Variants in DACH1 observed in about 807,000 individuals in gnomAD.
The protein encoded by DACH1 is dachshund family transcription factor 1.
DACH1 carries 12 observed loss-of-function variants against 54.2 expected under a neutral mutation model. That is an observed-to-expected ratio of 0.22 (90% confidence interval 0.14 to 0.36). DACH1 has a LOEUF of 0.36. Among genes scored for constraint, DACH1 ranks in the 10% least tolerant of loss-of-function variants. The pLI is 1.00. For synonymous variants in DACH1, 386 were observed against 366.2 expected (o/e 1.05, Z -0.62); for missense variants, 805 against 929.8 (o/e 0.87, Z 1.75).
intron 1 of DACH1, among the ~76,000 whole-genome samples, chr13:71,825,056 C>T (rs1371700890): frequency 6.6e-6 from 1 of 151,854 alleles, no homozygotes; most frequent in African/African-American, 2.4e-5. Context: ...GGTAAGAGAG[C>T]TATTAATTTA....
chr13:71,558,197 T>C (rs1884374124), intron 5 of DACH1, among the ~76,000 whole-genome samples: 3 of 152,062 alleles, frequency 2.0e-5, no homozygotes, highest in Non-Finnish European at 4.4e-5. Flanking sequence ...ATGCCTATAT[T>C]GAGATATCAC....
At chr13:71,774,496 A>C (rs1388535225) in intron 1 of DACH1, among the ~76,000 whole-genome samples, 2 of 152,130 alleles carry the variant, frequency 1.3e-5, no homozygotes, top group Non-Finnish European at 2.9e-5. Context: ...AGTAGAAAAC[A>C]TGTGGAGGCA....
intron 6 of DACH1, among the ~76,000 whole-genome samples, chr13:71,499,253 G>C (rs1879716202): frequency 1.3e-5 from 2 of 152,116 alleles, no homozygotes; most frequent in Non-Finnish European, 2.9e-5. Context: ...AGGCTGAAAA[G>C]ATTCACTTAA....
At chr13:71,705,969 C>T (rs78500830) in intron 1 of DACH1, among the ~76,000 whole-genome samples, 6,675 of 152,028 alleles carry the variant, frequency 0.044, 455 homozygotes, top group African/African-American at 0.15. Flanking sequence ...TGTACAATAG[C>T]ATATATTTAT....
At chr13:71,704,127 A>G (rs1237284126) in intron 1 of DACH1, 1 of 174,666 alleles carries the variant, frequency 5.7e-6, no homozygotes, top group Non-Finnish European at 1.2e-5. Flanking sequence ...CTTTGCTTCA[A>G]AAATCAATGC....
At chr13:71,668,037 C>T (rs1042219134) in intron 2 of DACH1, among the ~76,000 whole-genome samples, 18 of 151,998 alleles carry the variant, frequency 1.2e-4, no homozygotes, top group African/African-American at 3.9e-4. Context: ...TAGAGGGATA[C>T]ATTTGAAAAA....
chr13:71,687,050 G>A (rs1881199769), intron 1 of DACH1, among the ~76,000 whole-genome samples: 1 of 152,136 alleles, frequency 6.6e-6, no homozygotes, highest in African/African-American at 2.4e-5. Flanking sequence ...ACACAAACAA[G>A]CATTTACGAG....
intron 1 of DACH1, among the ~76,000 whole-genome samples, chr13:71,765,956 T>G (rs932735166): frequency 2.5e-4 from 37 of 149,862 alleles, no homozygotes; most frequent in Non-Finnish European, 4.6e-4. Context: ...GCGCGATCTC[T>G]GCTCACTGCA....
intron 10 of DACH1, among the ~76,000 whole-genome samples, chr13:71,468,359 G>T (rs1876781944): frequency 6.6e-6 from 1 of 152,100 alleles, no homozygotes; most frequent in African/African-American, 2.4e-5. Context: ...ACCTTTTGAG[G>T]TTAAGCTATT....
chr13:71,713,092 T>C (rs895257381), intron 1 of DACH1, among the ~76,000 whole-genome samples: 13 of 149,352 alleles, frequency 8.7e-5, no homozygotes, highest in South Asian at 2.1e-4. Flanking sequence ...TCTTCTTCTT[T>C]TTTTTTTTTT....
chr13:71,808,635 A>G lies in DACH1; in HGVS notation c.848+57287T>C, dbSNP rs944556512. On this transcript the variant is annotated intron_variant, in intron 1 of 10. Coordinates refer to ENST00000613252, the MANE Select transcript of DACH1 (RefSeq NM_080759.6). ...TCAAGGTCATTTGGTCATTGATTTC[A>G]AAGAAGTTGATGTTTTAAAGCAGTT... Among the ~76,000 whole-genome samples, 3 of 152,290 alleles carry G rather than the reference A, an allele frequency of 2.0e-5. No homozygotes were observed. In the East Asian group the frequency reaches 5.8e-4, roughly 29 times the overall value.
chr13:71,479,164 A>T lies in DACH1; in HGVS notation c.1870+5T>A. 1.3e-6 allele frequency: 2 copies of T among 1,594,928 alleles called. No homozygotes were observed. Among genetic ancestry groups the T allele is most frequent in the Non-Finnish European group, 8.5e-7 (1 of 1,173,344 alleles). ...TATTTAACTTATCTGGAAATTTGGAAATACCTCTATTCTTTTGTTCCATAG... is the reference window on the plus strand; with the variant it reads ...TATTTAACTTATCTGGAAATTTGGATATACCTCTATTCTTTTGTTCCATAG... On this transcript the variant is annotated splice_donor_5th_base_variant and intron_variant, in intron 8 of 10. Coordinates refer to ENST00000613252, the MANE Select transcript of DACH1 (RefSeq NM_080759.6).
chr13:71,695,705 T>G (rs946981191), intron 1 of DACH1, among the ~76,000 whole-genome samples: 16 of 152,196 alleles, frequency 1.1e-4, no homozygotes, highest in African/African-American at 3.9e-4. Context: ...CTATGTTTCT[T>G]ATGCTACTCC....
intron 10 of DACH1, among the ~76,000 whole-genome samples, chr13:71,441,709 T>A (rs922183993): frequency 2.0e-5 from 3 of 152,026 alleles, no homozygotes; most frequent in Admixed American, 1.3e-4. Flanking sequence ...AGTCTAAATA[T>A]TTATGGACCT....
rs1555290464 is a variant in DACH1 at position 71,519,882 on chromosome 13, A to ATTATATATATATATAT, written c.1571-30735_1571-30734insATATATATATATATAA. On this transcript the variant is annotated intron_variant, in intron 6 of 10. Coordinates refer to ENST00000613252, the MANE Select transcript of DACH1 (RefSeq NM_080759.6). ...TAGATGTTTGTGTCCAAACCAAAGT[A>ATTATATATATATATAT]GTATATATATATATATATATATATA... 1.1e-4 allele frequency among the ~76,000 whole-genome samples: 4 copies of ATTATATATATATATAT among 35,526 alleles called. 1 individual carries two copies. The highest frequency in any genetic ancestry group is 1.9e-4 in the African/African-American group (2 of 10,420). 23.3% of individuals were successfully genotyped at this position (35,526 alleles called of 152,430 possible). A position where few individuals can be genotyped will look rare whatever the true frequency, so the allele number is the denominator to read the frequency against.
At chr13:71,495,226 A>C (rs1024879591) in intron 6 of DACH1, among the ~76,000 whole-genome samples, 7 of 152,184 alleles carry the variant, frequency 4.6e-5, no homozygotes, top group African/African-American at 1.7e-4. Context: ...AAAATGGAAA[A>C]TATCTCCATG....
chr13:71,499,374 T>A (rs1879724192), intron 6 of DACH1, among the ~76,000 whole-genome samples: 1 of 152,184 alleles, frequency 6.6e-6, no homozygotes, highest in Non-Finnish European at 1.5e-5. Context: ...CGGTTATATT[T>A]CCTAGGTTGA....
At chr13:71,820,358 C>A (rs891953407) in intron 1 of DACH1, among the ~76,000 whole-genome samples, 2 of 152,058 alleles carry the variant, frequency 1.3e-5, no homozygotes, top group African/African-American at 4.8e-5. Context: ...AGTAGCAGCA[C>A]CCTTCTGCAA....
chr13:71,530,444 G>T (rs1464024106), intron 6 of DACH1, among the ~76,000 whole-genome samples: 1 of 150,568 alleles, frequency 6.6e-6, no homozygotes, highest in Admixed American at 6.6e-5. Context: ...CAAGGACAAA[G>T]ACACTAATTT....
Sources: gnomAD v4.1 joint callset for allele counts (sites outside exome capture counted in the v4.1 genomes callset) on GRCh38, gnomAD v4.1.1 for gene constraint, MANE v1.5 for transcripts, NCBI Gene and HGNC (gene_info 2026-07-23, HGNC 2026-07-21) for gene names.